BEND6: variants seen among roughly 807,000 people sequenced by gnomAD.
BEND6 encodes BEN domain-containing protein 6.
A neutral mutation model predicts 31.8 loss-of-function variants in BEND6; 24 were observed. The observed-to-expected ratio is 0.75, with a 90% CI of 0.55 to 1.06. BEND6 has a LOEUF of 1.06. Among genes scored for constraint, BEND6 ranks in the 50% least tolerant of loss-of-function variants. The probability of loss-of-function intolerance (pLI) is 0.00; values close to 1 mark genes in which losing one functional copy is unlikely to be tolerated. For synonymous variants in BEND6, 109 were observed against 114.6 expected (o/e 0.95, Z 0.31); for missense variants, 294 against 327.4 (o/e 0.90, Z 0.79).
chr6:57,001,946 C>A (rs938040815), intron 3 of BEND6, among the ~76,000 whole-genome samples: 30 of 152,104 alleles, frequency 2.0e-4, no homozygotes, highest in African/African-American at 6.8e-4. Context: ...CACAGAGTGG[C>A]ATGTTGGATT....
intron 1 of BEND6, among the ~76,000 whole-genome samples, chr6:56,957,589 A>T (rs1208055047): frequency 6.6e-6 from 1 of 152,202 alleles, no homozygotes; most frequent in Non-Finnish European, 1.5e-5. Context: ...TTTTGCTTTA[A>T]AAAAAGAATA....
At chr6:57,001,684 C>A (rs192689767) in intron 3 of BEND6, among the ~76,000 whole-genome samples, 14 of 152,264 alleles carry the variant, frequency 9.2e-5, no homozygotes, top group African/African-American at 3.4e-4. Context: ...TCCAGATAAG[C>A]AAGTGCTAAG....
At chr6:56,990,334 C>G (rs1177750114) in intron 2 of BEND6, among the ~76,000 whole-genome samples, 1 of 148,680 alleles carries the variant, frequency 6.7e-6, no homozygotes, top group East Asian at 2.1e-4. Context: ...ACAGCCTCAA[C>G]CTACCAAGCT....
intron 1 of BEND6, among the ~76,000 whole-genome samples, chr6:56,964,378 G>A (rs1026106580): frequency 5.3e-5 from 8 of 152,282 alleles, no homozygotes; most frequent in Middle Eastern, 3.4e-3. Flanking sequence ...CTGTGAACAG[G>A]ATGTACATTT....
At chr6:56,978,072 C>G (rs1825948739) in intron 1 of BEND6, among the ~76,000 whole-genome samples, 1 of 151,702 alleles carries the variant, frequency 6.6e-6, no homozygotes, top group African/African-American at 2.4e-5. Context: ...CAAGACCAGC[C>G]TGGGCAACAT....
At chr6:57,017,458 G>A (rs999796560) in intron 5 of BEND6, 59 bp downstream of exon 5, 2 of 1,201,968 alleles carry the variant, frequency 1.7e-6, no homozygotes, top group African/African-American at 3.2e-5. Flanking sequence ...ACCACTCAAG[G>A]TCAAGATAGT....
intron 3 of BEND6, among the ~76,000 whole-genome samples, chr6:57,000,957 T>C (rs1350534745): frequency 1.4e-5 from 2 of 139,814 alleles, no homozygotes; most frequent in African/African-American, 2.7e-5. Context: ...GTATTCACTA[T>C]AGCCACACTC....
chr6:57,008,616 A>T (rs1827243761), intron 3 of BEND6: 1 of 167,666 alleles, frequency 6.0e-6, no homozygotes, highest in African/African-American at 2.4e-5. Context: ...CTGAACAGAT[A>T]TTTCTCAGTA....
In BEND6 at chr6:56,963,059, A is replaced by G. The variant is rs116145439; in HGVS notation, c.-101+7599A>G. ...GGCTTAGAGATGTAAGGAATTGCCTAAAGACCACACACCTAACAAGCGGCA... is the reference window on the plus strand; with the variant it reads ...GGCTTAGAGATGTAAGGAATTGCCTGAAGACCACACACCTAACAAGCGGCA... On this transcript the variant is annotated intron_variant, in intron 1 of 6. Coordinates refer to ENST00000370746, the MANE Select transcript of BEND6 (RefSeq NM_152731.3). Among the ~76,000 whole-genome samples the G allele has an allele frequency of 2.9e-3, 445 of 152,300 alleles. 2 individuals carry two copies. Among genetic ancestry groups the G allele is most frequent in the African/African-American group, 9.7e-3 (405 of 41,562 alleles).
intron 1 of BEND6, among the ~76,000 whole-genome samples, chr6:56,973,529 CA>C (rs1713583044): frequency 1.3e-5 from 2 of 152,122 alleles, no homozygotes; most frequent in Non-Finnish European, 2.9e-5. Context: ...TAATATAAAA[CA>C]ATTATAATGA....
chr6:56,976,528 A>G (rs1210936735), intron 1 of BEND6, among the ~76,000 whole-genome samples: 1 of 150,560 alleles, frequency 6.6e-6, no homozygotes, highest in Non-Finnish European at 1.5e-5. Flanking sequence ...TGGAGTGTAG[A>G]TTATTTTATT....
intron 3 of BEND6, among the ~76,000 whole-genome samples, chr6:57,001,155 CTTTT>C (rs33918532): frequency 7.8e-4 from 92 of 118,224 alleles, no homozygotes; most frequent in African/African-American, 2.3e-3. Context: ...AAGAAAAAGT[CTTTT>C]TTTTTTTTTT....
chr6:57,012,486 G>A (rs191839962), intron 3 of BEND6, among the ~76,000 whole-genome samples: 112 of 152,306 alleles, frequency 7.4e-4, no homozygotes, highest in African/African-American at 2.7e-3. Flanking sequence ...TTGATTAGGT[G>A]TGTTTTAAAT....
At chr6:56,969,841 G>T (rs1825627270) in intron 1 of BEND6, among the ~76,000 whole-genome samples, 1 of 151,102 alleles carries the variant, frequency 6.6e-6, no homozygotes, top group Admixed American at 6.6e-5. Flanking sequence ...GTTTTGATTT[G>T]CTTCCATTAA....
At chr6:57,006,546 G>A (rs1346279552) in intron 3 of BEND6, among the ~76,000 whole-genome samples, 1 of 152,158 alleles carries the variant, frequency 6.6e-6, no homozygotes, top group African/African-American at 2.4e-5. Context: ...TTCACACTAG[G>A]TGGCTCACTA....
intron 2 of BEND6, among the ~76,000 whole-genome samples, chr6:56,991,384 G>C (rs375225605): frequency 6.7e-6 from 1 of 150,362 alleles, no homozygotes; most frequent in African/African-American, 2.4e-5. Context: ...TAATTTTTAC[G>C]TTGTTTTTGA....
intron 1 of BEND6, among the ~76,000 whole-genome samples, chr6:56,979,406 A>G (rs944308332): frequency 2.0e-5 from 3 of 152,236 alleles, no homozygotes; most frequent in Non-Finnish European, 2.9e-5. Flanking sequence ...ACACTTTTAA[A>G]TGGTTAAAAC....
At chr6:56,992,656 C>T (rs1311895561) in intron 3 of BEND6, 101 bp downstream of exon 3, 64 of 1,237,968 alleles carry the variant, frequency 5.2e-5, no homozygotes, top group Non-Finnish European at 6.6e-5. Context: ...AAAATCCACA[C>T]CTCTGGGAGC....
intron 1 of BEND6, among the ~76,000 whole-genome samples, chr6:56,961,618 T>G (rs1042324175): frequency 6.6e-6 from 1 of 152,340 alleles, no homozygotes; most frequent in East Asian, 1.9e-4. Flanking sequence ...TCCAAGCCAA[T>G]AGGACTAGTC....
Sources: allele counts gnomAD v4.1 joint callset (sites outside exome capture counted in the v4.1 genomes callset), GRCh38; gene constraint gnomAD v4.1.1; transcripts MANE v1.5; gene names NCBI Gene and HGNC (gene_info 2026-07-23, HGNC 2026-07-21).